DNAJC3: variants seen among roughly 807,000 people sequenced by gnomAD.
DNAJC3 encodes dnaJ homolog subfamily C member 3.
A neutral mutation model predicts 68.6 loss-of-function variants in DNAJC3; 38 were observed. The ratio of observed to expected loss-of-function variants is 0.55; its 90% CI spans 0.43 to 0.73. The LOEUF (loss-of-function observed/expected upper bound fraction) is 0.73. Ranked by LOEUF, DNAJC3 falls within the 30% of genes least tolerant of loss-of-function variation. DNAJC3 has a pLI of 0.00. For synonymous variants in DNAJC3, 203 were observed against 204.0 expected (o/e 1.00, Z 0.04); for missense variants, 526 against 591.9 (o/e 0.89, Z 1.16).
At chr13:95,734,333 G>T (rs888903664) in intron 4 of DNAJC3, among the ~76,000 whole-genome samples, 1 of 152,192 alleles carries the variant, frequency 6.6e-6, no homozygotes, top group Non-Finnish European at 1.5e-5. Flanking sequence ...AGCACTTTGA[G>T]TATATCATTC....
At chr13:95,705,861 T>C (rs904751675) in intron 1 of DNAJC3, among the ~76,000 whole-genome samples, 2 of 152,126 alleles carry the variant, frequency 1.3e-5, no homozygotes, top group Admixed American at 6.5e-5. Flanking sequence ...CTAAATGTCT[T>C]AGTAAAAGGA....
At chr13:95,704,593 T>G (rs945351286) in intron 1 of DNAJC3, among the ~76,000 whole-genome samples, 1 of 152,194 alleles carries the variant, frequency 6.6e-6, no homozygotes, top group African/African-American at 2.4e-5. Flanking sequence ...AGGTAATACA[T>G]TCTGTGAGTC....
Position 95,793,482 on chromosome 13 carries a change from CTTTTTTTTTTTTTT to C in DNAJC3, c.*2464_*2477del, listed in dbSNP as rs1002199198. 1 of 96,222 alleles carries C rather than the reference CTTTTTTTTTTTTTT, an allele frequency of 1.0e-5. No individual in the cohort carries two copies. The highest frequency in any genetic ancestry group is 2.0e-5 in the Non-Finnish European group (1 of 50,582). 6.0% of individuals were successfully genotyped at this position (96,222 alleles called of 1,614,324 possible). Reference sequence around the variant, plus strand: ...TTGGGGACTACAGGTGCCAGGTAACCTTTTTTTTTTTTTTTTTTTTTTTTTGAGACAGAATCTTG... The same window carrying C: ...TTGGGGACTACAGGTGCCAGGTAACCTTTTTTTTTTTGAGACAGAATCTTG... On this transcript the variant is annotated 3_prime_UTR_variant, in exon 12 of 12. Transcript: ENST00000602402.
chr13:95,689,112 G>A (rs1880155921), intron 1 of DNAJC3, among the ~76,000 whole-genome samples: 2 of 151,608 alleles, frequency 1.3e-5, no homozygotes, highest in South Asian at 4.2e-4. Flanking sequence ...AATGAGTTAG[G>A]GAGGAATCCT....
intron 1 of DNAJC3, among the ~76,000 whole-genome samples, chr13:95,679,228 A>T (rs1879852368): frequency 7.8e-6 from 1 of 127,884 alleles, no homozygotes. Context: ...TTTGTAATTA[A>T]CAAGAAGGTT....
rs187709451 is a variant in DNAJC3, at chr13:95,741,396, G to A, written c.393+16144G>A. Among the ~76,000 whole-genome samples the A allele has an allele frequency of 3.0e-3, 458 of 152,306 alleles. 3 individuals carry two copies. Among genetic ancestry groups the A allele is most frequent in the African/African-American group, 0.011 (437 of 41,568 alleles). On this transcript the variant is annotated intron_variant, in intron 4 of 11. Coordinates refer to ENST00000602402, the MANE Select transcript of DNAJC3 (RefSeq NM_006260.5). ...TGCAGTTGTTATTGGAAGCTGTTTT[G>A]TAGTTTTGCTGGGGATGGGGATGTC...
At chr13:95,712,440 A>C (rs1881002309) in intron 2 of DNAJC3, among the ~76,000 whole-genome samples, 1 of 148,618 alleles carries the variant, frequency 6.7e-6, no homozygotes, top group Non-Finnish European at 1.5e-5. Flanking sequence ...GTAGTAGTGC[A>C]ATCTCAGCTT....
At chr13:95,702,468 C>T (rs1418770475) in intron 1 of DNAJC3, among the ~76,000 whole-genome samples, 1 of 152,180 alleles carries the variant, frequency 6.6e-6, no homozygotes, top group Non-Finnish European at 1.5e-5. Context: ...CCCTCATGCC[C>T]CCAATTCATA....
intron 1 of DNAJC3, among the ~76,000 whole-genome samples, chr13:95,680,922 T>C (rs938910777): frequency 6.6e-6 from 1 of 152,188 alleles, no homozygotes; most frequent in Non-Finnish European, 1.5e-5. Flanking sequence ...AGAAAGCTAC[T>C]TAAAAAAATT....
chr13:95,690,527 G>A (rs76086433), intron 1 of DNAJC3, among the ~76,000 whole-genome samples: 20 of 145,868 alleles, frequency 1.4e-4, no homozygotes, highest in Non-Finnish European at 1.2e-4. Flanking sequence ...GGTGGTGGCC[G>A]GGCAGAGGGG....
chr13:95,747,185 G>A (rs73552768), intron 4 of DNAJC3, among the ~76,000 whole-genome samples: 1,735 of 152,284 alleles, frequency 0.011, 35 homozygotes, highest in African/African-American at 0.04. Flanking sequence ...GAGCATTTGA[G>A]TGCATGTTCT....
At chr13:95,725,731 T>A (rs953398734) in intron 4 of DNAJC3, among the ~76,000 whole-genome samples, 1 of 151,730 alleles carries the variant, frequency 6.6e-6, no homozygotes, top group African/African-American at 2.4e-5. Context: ...TGTGCAGGTT[T>A]GTTACGTATG....
chr13:95,776,888 C>A (rs1883307877), intron 9 of DNAJC3, among the ~76,000 whole-genome samples: 1 of 152,172 alleles, frequency 6.6e-6, no homozygotes, highest in African/African-American at 2.4e-5. Context: ...ATCATCCTTC[C>A]CCTTTCTTTT....
At chr13:95,754,454 A>G (rs890950466) in intron 4 of DNAJC3, among the ~76,000 whole-genome samples, 3 of 152,208 alleles carry the variant, frequency 2.0e-5, no homozygotes, top group African/African-American at 4.8e-5. Flanking sequence ...TTTTTTAACA[A>G]ACTTTTATAC....
Position 95,760,183 on chromosome 13 carries a change from A to T in DNAJC3, c.690A>T (p.Thr230=). 6.2e-7 allele frequency: 1 copy of T among 1,610,780 alleles called. No homozygotes were observed. The highest frequency in any genetic ancestry group is 8.5e-7 in the Non-Finnish European group (1 of 1,178,214). ...CTGAAGCGTTTTATAAAATAAGCAC[A>T]CTGTACTACCAACTAGGAGACCACG... is the stretch of plus-strand genomic sequence containing the variant. ...DNTEAFYKIS[T]LYYQLGDHEL... Residue 230 remains threonine (T), a synonymous_variant, in exon 6 of 12, where the codon ACA becomes ACT. Transcript: ENST00000602402.
chr13:95,733,859 G>C (rs73550599), intron 4 of DNAJC3, among the ~76,000 whole-genome samples: 2,594 of 152,098 alleles, frequency 0.017, 80 homozygotes, highest in African/African-American at 0.06. Context: ...ACAAGTGAAG[G>C]AAGTTTCTTG....
chr13:95,712,986 T>C (rs957342202), intron 2 of DNAJC3, among the ~76,000 whole-genome samples: 13 of 152,050 alleles, frequency 8.5e-5, no homozygotes, highest in African/African-American at 3.1e-4. Flanking sequence ...TCTGATGGTT[T>C]TATAAGGGAC....
In DNAJC3 at chr13:95,720,188, G is replaced by A. The variant is rs368565390; in HGVS notation, c.194-3054G>A. ...GAGAAGGAAAGGTTTATTTTTCCAT[G>A]TATAGTCAAATAAGTCATTTGAGCT... is the stretch of plus-strand genomic sequence containing the variant. On this transcript the variant is annotated intron_variant, in intron 2 of 11. Transcript: ENST00000602402. Among the ~76,000 whole-genome samples, 800 of 152,262 alleles carry A rather than the reference G, an allele frequency of 5.3e-3. 4 individuals are homozygous for A. Among genetic ancestry groups the A allele is most frequent in the Middle Eastern group, 0.02 (6 of 294 alleles).
chr13:95,787,950 T>C (rs1177982080), intron 11 of DNAJC3, among the ~76,000 whole-genome samples: 9 of 152,200 alleles, frequency 5.9e-5, no homozygotes, highest in African/African-American at 2.2e-4. Flanking sequence ...TGGCCTTCCA[T>C]GTCAGTGGGA....
Sources: allele counts gnomAD v4.1 joint callset (sites outside exome capture counted in the v4.1 genomes callset), GRCh38; gene constraint gnomAD v4.1.1; transcripts MANE v1.5; gene names NCBI Gene and HGNC (gene_info 2026-07-23, HGNC 2026-07-21).